DNAH11: variants seen among roughly 807,000 people sequenced by gnomAD.
The protein encoded by DNAH11 is axonemal beta dynein heavy chain 11.
In DNAH11, 442 loss-of-function variants were observed where a neutral mutation model predicts 526.0. The observed-to-expected ratio is 0.84, with a 90% CI of 0.78 to 0.91. The LOEUF (loss-of-function observed/expected upper bound fraction) is 0.91, where lower values mean the gene tolerates loss of function less well. DNAH11 is among the 40% of genes least tolerant of loss of function. The pLI, the probability that DNAH11 is intolerant of heterozygous loss-of-function variation, is 0.00. For missense variants in DNAH11, 6,989 were observed against 5,448.7 expected (o/e 1.28, Z -8.90); for synonymous variants, 2,461 against 1,935.9 (o/e 1.27, Z -7.12).
Position 21,842,656 on chromosome 7 carries a change from C to G in DNAH11, c.10804C>G (p.Leu3602Val), listed in dbSNP as rs1463915066. The change falls in exon 66 of 82, where the codon CTC becomes GTC. Residue 3602 changes from leucine to valine, a missense_variant. Physicochemically the swap from Leu to Val is conservative, Grantham distance 32 (BLOSUM62 1). Coordinates refer to ENST00000409508, the MANE Select transcript of DNAH11 (RefSeq NM_001277115.2). ...GCCGGAATTACAAGCTCAGACAACT[C>G]TCCTCAATTTCACAGTCACAGAAGA... ...YKPELQAQTTLLNFTVTEDGL... is the reference protein window; with the variant it reads ...YKPELQAQTTVLNFTVTEDGL... The G allele has an allele frequency of 1.2e-5, 19 of 1,613,812 alleles. No individual in the cohort carries two copies. The highest frequency in any genetic ancestry group is 2.2e-5 in the South Asian group (2 of 91,070).
At position 21,571,815 on chromosome 7, in the gene DNAH11, G is replaced by T. The variant is rs1188280804; in HGVS notation, c.1435G>T (p.Ala479Ser). 6.2e-7 allele frequency: 1 copy of T among 1,611,334 alleles called. No individual in the cohort carries two copies. Among genetic ancestry groups the T allele is most frequent in the Non-Finnish European group, 8.5e-7 (1 of 1,178,980 alleles). ...DRLIKIEDIF[A>S]TTLEFEKLER... ...TGTGTTTTTTACAAAGGATATATTTGCCACCACTTTGGAATTTGAAAAGCT... is the reference window on the plus strand; with the variant it reads ...TGTGTTTTTTACAAAGGATATATTTTCCACCACTTTGGAATTTGAAAAGCT... Residue 479 changes from alanine to serine, a missense_variant, in exon 8 of 82, where the codon GCC (alanine) becomes TCC (serine). By Grantham distance (99) the Ala-to-Ser change is moderately conservative. Transcript: ENST00000409508.
At chr7:21,863,164 T>C (rs561584903) in intron 69 of DNAH11, among the ~76,000 whole-genome samples, 1 of 152,276 alleles carries the variant, frequency 6.6e-6, no homozygotes, top group East Asian at 1.9e-4. Flanking sequence ...AGATTGTCCT[T>C]TTATCAGCCA....
intron 31 of DNAH11, 110 bp downstream of exon 31, chr7:21,681,787 TA>T (rs1462015543): frequency 7.4e-7 from 1 of 1,344,836 alleles, no homozygotes; most frequent in Non-Finnish European, 1.1e-6. Context: ...TTGTATGTTT[TA>T]ATTAGTCCTG....
intron 29 of DNAH11, among the ~76,000 whole-genome samples, chr7:21,657,128 T>G (rs1348581747): frequency 6.6e-6 from 1 of 152,184 alleles, no homozygotes; most frequent in Non-Finnish European, 1.5e-5. Flanking sequence ...ATATACAAAT[T>G]CACCCTCTAA....
intron 42 of DNAH11, among the ~76,000 whole-genome samples, chr7:21,713,720 T>C (rs1278048961): frequency 1.3e-5 from 2 of 152,176 alleles, no homozygotes; most frequent in African/African-American, 4.8e-5. Flanking sequence ...AGGCTGCCTT[T>C]CCTGTGTGTA....
At chr7:21,666,008 C>T (rs956485741) in intron 30 of DNAH11, among the ~76,000 whole-genome samples, 2 of 152,078 alleles carry the variant, frequency 1.3e-5, no homozygotes, top group African/African-American at 4.8e-5. Context: ...ATACTGTAAG[C>T]AGTTTTTTAA....
In DNAH11 at chr7:21,698,080, G is replaced by T; in HGVS notation, c.6047G>T (p.Cys2016Phe). ...PENLKALFRP[C>F]AMVAPDIELI... ...AATTCTTATTTACTTTTTAGACCCT[G>T]TGCCATGGTGGCCCCTGACATTGAG... Residue 2016 changes from cysteine (C) to phenylalanine (F), a missense_variant, in exon 36 of 82, where the codon TGT becomes TTT. Transcript: ENST00000409508. The T allele has an allele frequency of 6.2e-7, 1 of 1,611,496 alleles. No individual in the cohort carries two copies. The highest frequency in any genetic ancestry group is 8.5e-7 in the Non-Finnish European group (1 of 1,179,032).
intron 23 of DNAH11, chr7:21,618,365 A>G (rs1785878787): frequency 1.3e-5 from 2 of 152,888 alleles, no homozygotes; most frequent in Non-Finnish European, 2.9e-5. Flanking sequence ...GGCAGCTTCC[A>G]AGAAGCAGAT....
chr7:21,572,883 T>C (rs970031537), intron 8 of DNAH11, among the ~76,000 whole-genome samples: 4 of 152,166 alleles, frequency 2.6e-5, no homozygotes, highest in African/African-American at 9.7e-5. Flanking sequence ...ATCATGGTGA[T>C]GAATAATTTG....
chr7:21,612,858 GAAAATCAGTGTAA>G (rs1371578354), intron 20 of DNAH11, among the ~76,000 whole-genome samples: 1 of 152,096 alleles, frequency 6.6e-6, no homozygotes, highest in Non-Finnish European at 1.5e-5. Flanking sequence ...CTTAACATTA[GAAAATCAGTGTAA>G]TTAATTGCAT....
chr7:21,740,859 C>G (rs1785850939), intron 48 of DNAH11, among the ~76,000 whole-genome samples: 1 of 152,180 alleles, frequency 6.6e-6, no homozygotes, highest in African/African-American at 2.4e-5. Context: ...ATCAGGGTCC[C>G]AGTTTCTCTA....
chr7:21,666,514 AC>A (rs1025363710), intron 30 of DNAH11, among the ~76,000 whole-genome samples: 4 of 152,024 alleles, frequency 2.6e-5, no homozygotes, highest in Non-Finnish European at 5.9e-5. Flanking sequence ...ATAATATAAA[AC>A]TTTTCTCATT....
At position 21,717,804 on chromosome 7, in the gene DNAH11, G is replaced by A. The variant is rs757903053; in HGVS notation, c.7013G>A (p.Arg2338Gln). Residue 2338 changes from arginine to glutamine, a missense_variant, in exon 43 of 82, where the codon CGG (arginine) becomes CAG (glutamine). Arg to Gln is a conservative substitution (Grantham distance 43, BLOSUM62 1). Transcript: ENST00000409508. ...PYVASWIDRR[R>Q]HQSEKANLTI... ...GTGGCCAGTTGGATAGACAGAAGGC[G>A]GCATCAATCAGAAAAGGCCAATTTG... 13 of 1,613,618 alleles carry A rather than the reference G, an allele frequency of 8.1e-6. No homozygotes were observed. The highest frequency in any genetic ancestry group is 4.5e-5 in the East Asian group (2 of 44,890).
At chr7:21,621,839 A>G (rs1338495826) in intron 25 of DNAH11, among the ~76,000 whole-genome samples, 1 of 152,176 alleles carries the variant, frequency 6.6e-6, no homozygotes, top group Admixed American at 6.5e-5. Context: ...AGAGCTATCT[A>G]TGACAAACCC....
chr7:21,575,764 TG>T (rs1204634095), intron 8 of DNAH11, among the ~76,000 whole-genome samples: 1 of 152,222 alleles, frequency 6.6e-6, no homozygotes, highest in East Asian at 1.9e-4. Context: ...GTGCATGCAC[TG>T]GCATATACAT....
chr7:21,744,978 A>G lies in DNAH11; in HGVS notation c.8425A>G (p.Thr2809Ala), dbSNP rs1342565337. ...MPVKDWEVLK[T>A]ILTETLDNYN... is the part of the protein sequence containing the mutation. ...AGTGAAGGACTGGGAAGTGCTGAAGACGATTCTTACAGAAACGTTAGACAA... is the reference window on the plus strand; with the variant it reads ...AGTGAAGGACTGGGAAGTGCTGAAGGCGATTCTTACAGAAACGTTAGACAA... The change falls in exon 51 of 82, where the codon ACG (threonine) becomes GCG (alanine). Residue 2809 changes from threonine (T) to alanine (A), a missense_variant. Thr to Ala is a moderately conservative substitution (Grantham distance 58). Transcript: ENST00000409508. 1 of 1,610,256 alleles carries G rather than the reference A, an allele frequency of 6.2e-7. No homozygotes were observed. Among genetic ancestry groups the G allele is most frequent in the East Asian group, 2.2e-5 (1 of 44,776 alleles).
chr7:21,774,384 C>T (rs1175709092), intron 56 of DNAH11, among the ~76,000 whole-genome samples: 2 of 152,122 alleles, frequency 1.3e-5, no homozygotes, highest in Non-Finnish European at 2.9e-5. Context: ...GTGAGGGCAT[C>T]ATTTTCTGGC....
At chr7:21,877,962 A>G (rs1783783880) in intron 74 of DNAH11, among the ~76,000 whole-genome samples, 1 of 151,684 alleles carries the variant, frequency 6.6e-6, no homozygotes, top group South Asian at 2.1e-4. Flanking sequence ...CCAGATAACT[A>G]TATTTTTTTA....
At chr7:21,822,028 A>G (rs1028563533) in intron 65 of DNAH11, among the ~76,000 whole-genome samples, 1 of 152,086 alleles carries the variant, frequency 6.6e-6, no homozygotes, top group Non-Finnish European at 1.5e-5. Context: ...TGTTGCTGCA[A>G]ATGACAGCTT....
Sources: allele counts gnomAD v4.1 joint callset (sites outside exome capture counted in the v4.1 genomes callset), GRCh38; gene constraint gnomAD v4.1.1; transcripts MANE v1.5; gene names NCBI Gene and HGNC (gene_info 2026-07-23, HGNC 2026-07-21).